Variants in KCNN2 observed in about 807,000 individuals in gnomAD.
KCNN2 encodes potassium calcium-activated channel subfamily N member 2.
A neutral mutation model predicts 55.5 loss-of-function variants in KCNN2; 24 were observed. The ratio of observed to expected loss-of-function variants is 0.43; its 90% CI spans 0.31 to 0.61. KCNN2 has a LOEUF of 0.61. KCNN2 is among the 20% of genes least tolerant of loss of function. KCNN2 has a pLI of 0.08. For synonymous variants in KCNN2, 431 were observed against 336.1 expected (o/e 1.28, Z -3.09); for missense variants, 754 against 853.6 (o/e 0.88, Z 1.45).
At chr5:114,212,962 G>A (rs1753920042) in intron 1 of KCNN2, among the ~76,000 whole-genome samples, 2 of 151,942 alleles carry the variant, frequency 1.3e-5, no homozygotes, top group African/African-American at 4.8e-5. Context: ...TTAATTAAGA[G>A]AGGGAGAATT....
At chr5:114,071,638 A>G (rs552312493) in intron 1 of KCNN2, among the ~76,000 whole-genome samples, 13 of 152,370 alleles carry the variant, frequency 8.5e-5, no homozygotes, top group African/African-American at 3.1e-4. Flanking sequence ...GAATATATGT[A>G]TCACATTTTA....
chr5:114,093,691 G>A (rs1427013766), intron 1 of KCNN2, among the ~76,000 whole-genome samples: 1 of 152,194 alleles, frequency 6.6e-6, no homozygotes, highest in Non-Finnish European at 1.5e-5. Flanking sequence ...GAAGGAGAAT[G>A]AATGCAGGAG....
rs56127808 is a variant in KCNN2 at position 114,065,846 on chromosome 5, G to GTT, written c.-271+9381_-271+9382dup. ...AGCTTTTAGCTATTCTCCTATGCAG[G>GTT]TTTTTTTTTTTTTTTTTTTTTTTTT... On this transcript the variant is annotated intron_variant, in intron 1 of 10. Transcript: ENST00000512097. 2.0e-4 allele frequency among the ~76,000 whole-genome samples: 9 copies of GTT among 45,244 alleles called. 1 individual carries two copies. The highest frequency in any genetic ancestry group is 7.7e-4 in the African/African-American group (9 of 11,758). 29.7% of individuals were successfully genotyped at this position (45,244 alleles called of 152,430 possible).
intron 1 of KCNN2, among the ~76,000 whole-genome samples, chr5:114,110,831 C>G (rs1276405408): frequency 6.6e-6 from 1 of 152,076 alleles, no homozygotes; most frequent in Non-Finnish European, 1.5e-5. Flanking sequence ...AAAAGGATCT[C>G]TGTCCATTCA....
intron 1 of KCNN2, among the ~76,000 whole-genome samples, chr5:114,193,907 AC>A (rs1387236707): frequency 6.6e-6 from 1 of 152,106 alleles, no homozygotes; most frequent in African/African-American, 2.4e-5. Flanking sequence ...TGTACAATTT[AC>A]CCATTTAATG....
rs541340533 is a variant in KCNN2, at chr5:114,103,535, C to T, written c.-271+47035C>T. 1.6e-4 allele frequency among the ~76,000 whole-genome samples: 25 copies of T among 152,276 alleles called. No homozygotes were observed. In the South Asian group the frequency reaches 5.2e-3, roughly 32 times the overall value. On this transcript the variant is annotated intron_variant, in intron 1 of 10. Transcript: ENST00000512097. ...CAAAGGAATGCTTCCAGCTTTTGCT[C>T]ATTCAGTGTGATATTGGCTGTGGGT...
chr5:114,237,323 A>C (rs908827985), intron 2 of KCNN2, among the ~76,000 whole-genome samples: 1 of 151,380 alleles, frequency 6.6e-6, no homozygotes, highest in Non-Finnish European at 1.5e-5. Flanking sequence ...CCACAGAAAA[A>C]AAAAATGCCC....
At chr5:114,172,465 A>G (rs1190241903) in intron 1 of KCNN2, among the ~76,000 whole-genome samples, 1 of 151,636 alleles carries the variant, frequency 6.6e-6, no homozygotes, top group Admixed American at 6.6e-5. Flanking sequence ...GGATGTTCAC[A>G]AGTTCTTAAC....
At chr5:114,165,312 C>T (rs1022312157) in intron 1 of KCNN2, among the ~76,000 whole-genome samples, 6 of 152,236 alleles carry the variant, frequency 3.9e-5, no homozygotes, top group Middle Eastern at 3.4e-3. Flanking sequence ...CTACTTAACA[C>T]GAAGACGAGG....
chr5:114,399,930 G>GTTTTT (rs35266559), intron 2 of KCNN2, among the ~76,000 whole-genome samples: 2 of 129,862 alleles, frequency 1.5e-5, no homozygotes, highest in Non-Finnish European at 3.3e-5. Flanking sequence ...TTTTTTTTTT[G>GTTTTT]TTTTTTTTTT....
intron 2 of KCNN2, among the ~76,000 whole-genome samples, chr5:114,379,529 A>G (rs1215666030): frequency 9.6e-6 from 1 of 104,122 alleles, no homozygotes; most frequent in Non-Finnish European, 1.9e-5. Flanking sequence ...ATATTATATA[A>G]CATATTATAT....
intron 3 of KCNN2, among the ~76,000 whole-genome samples, chr5:114,409,326 C>T (rs1482003938): frequency 6.9e-6 from 1 of 144,010 alleles, no homozygotes; most frequent in African/African-American, 2.5e-5. Flanking sequence ...TTGTAAGATA[C>T]AAAGATAAAA....
intron 1 of KCNN2, among the ~76,000 whole-genome samples, chr5:114,152,123 A>G (rs76577361): frequency 0.018 from 2,736 of 152,292 alleles, 78 homozygotes; most frequent in African/African-American, 0.062. Flanking sequence ...GCTTTGGCAT[A>G]GCAATAAAAA....
At chr5:114,328,116 G>C (rs544489787) in intron 2 of KCNN2, among the ~76,000 whole-genome samples, 1 of 152,166 alleles carries the variant, frequency 6.6e-6, no homozygotes, top group African/African-American at 2.4e-5. Flanking sequence ...CTACATCACT[G>C]TCATGTAAAA....
intron 2 of KCNN2, among the ~76,000 whole-genome samples, chr5:114,225,450 A>G (rs1456996955): frequency 6.6e-6 from 1 of 152,216 alleles, no homozygotes; most frequent in East Asian, 1.9e-4. Context: ...CACAGCAATT[A>G]TTTATAAAAT....
intron 1 of KCNN2, among the ~76,000 whole-genome samples, chr5:114,114,645 T>A (rs984103162): frequency 4.6e-5 from 7 of 152,150 alleles, no homozygotes; most frequent in African/African-American, 1.7e-4. Flanking sequence ...GGAGTGATTG[T>A]ACAGTTTATT....
chr5:114,211,317 C>A (rs891237741), intron 1 of KCNN2, among the ~76,000 whole-genome samples: 21 of 151,998 alleles, frequency 1.4e-4, no homozygotes, highest in African/African-American at 4.8e-4. Flanking sequence ...ACCTAAATGC[C>A]CATTAATGGT....
At chr5:114,107,937 A>G (rs1751522290) in intron 1 of KCNN2, among the ~76,000 whole-genome samples, 1 of 152,020 alleles carries the variant, frequency 6.6e-6, no homozygotes, top group Non-Finnish European at 1.5e-5. Flanking sequence ...CATTGGATCT[A>G]CTATAAGGTG....
intron 1 of KCNN2, among the ~76,000 whole-genome samples, chr5:114,061,971 A>T (rs1012516169): frequency 3.9e-5 from 6 of 152,170 alleles, no homozygotes; most frequent in African/African-American, 1.4e-4. Flanking sequence ...AAACTGAATG[A>T]CTTATTTACA....
Sources: allele counts gnomAD v4.1 joint callset (sites outside exome capture counted in the v4.1 genomes callset), GRCh38; gene constraint gnomAD v4.1.1; transcripts MANE v1.5; gene names NCBI Gene and HGNC (gene_info 2026-07-23, HGNC 2026-07-21).